PTPRN2: variants seen among roughly 807,000 people sequenced by gnomAD.
The protein encoded by PTPRN2 is receptor-type tyrosine-protein phosphatase N2.
In PTPRN2, 74 loss-of-function variants were observed where a neutral mutation model predicts 118.8. The observed-to-expected ratio is 0.62, with a 90% CI of 0.52 to 0.76. PTPRN2 has a LOEUF of 0.76. PTPRN2 is among the 30% of genes least tolerant of loss of function. The probability of loss-of-function intolerance (pLI) is 0.00; values close to 1 mark genes in which losing one functional copy is unlikely to be tolerated. For missense variants in PTPRN2, 1,481 were observed against 1,394.4 expected (o/e 1.06, Z -0.99); for synonymous variants, 641 against 608.0 (o/e 1.05, Z -0.80).
chr7:158,147,731 G>C (rs1385448520), intron 6 of PTPRN2, among the ~76,000 whole-genome samples: 6 of 133,444 alleles, frequency 4.5e-5, no homozygotes, highest in African/African-American at 1.8e-4. Context: ...CCCATCTCAC[G>C]CCACGTGTCT....
intron 3 of PTPRN2, among the ~76,000 whole-genome samples, chr7:158,209,415 A>G (rs955809176): frequency 6.6e-6 from 1 of 152,246 alleles, no homozygotes; most frequent in African/African-American, 2.4e-5. Flanking sequence ...CTTGTATCAG[A>G]CAAAATAGAT....
In PTPRN2 at chr7:157,883,415, G is replaced by A. The variant is rs572056548; in HGVS notation, c.1788+15258C>T. Among the ~76,000 whole-genome samples the A allele has an allele frequency of 2.6e-4, 38 of 144,574 alleles. No individual in the cohort carries two copies. In the South Asian group the frequency reaches 2.7e-3, roughly 10 times the overall value. 94.8% of individuals were successfully genotyped at this position (144,574 alleles called of 152,430 possible). On this transcript the variant is annotated intron_variant, in intron 12 of 22. Coordinates refer to ENST00000389418, the MANE Select transcript of PTPRN2 (RefSeq NM_002847.5). ...ACACACCACCCAAAAAATGATTGTC[G>A]GAGATCAGAACACACCACCCCAAAA... is the stretch of plus-strand genomic sequence containing the variant.
intron 11 of PTPRN2, among the ~76,000 whole-genome samples, chr7:158,070,722 T>TGTGGAGGTGGCCGTGGTG (rs1811258533): frequency 2.3e-5 from 1 of 44,266 alleles, no homozygotes; most frequent in Non-Finnish European, 4.1e-5. Context: ...GTGCCTGTGG[T>TGTGGAGGTGGCCGTGGTG]GTGGAGGTGC....
chr7:157,795,226 G>GA (rs1491018553), intron 12 of PTPRN2, among the ~76,000 whole-genome samples: 2 of 151,250 alleles, frequency 1.3e-5, no homozygotes, highest in African/African-American at 2.4e-5. Context: ...CTGGGAGGGG[G>GA]ACTCAAGCTC....
intron 2 of PTPRN2, among the ~76,000 whole-genome samples, chr7:158,407,133 CCTGCGTCCTGCGTCCTGGGTCCT>C (rs1813523630): frequency 6.9e-6 from 1 of 144,608 alleles, no homozygotes; most frequent in African/African-American, 2.5e-5. Context: ...GGTCCTGGGT[CCTGCGTCCTGCGTCCTGGGTCCT>C]GGGTCCTGGG....
At chr7:158,446,452 C>T (rs980626469) in intron 2 of PTPRN2, among the ~76,000 whole-genome samples, 6 of 152,116 alleles carry the variant, frequency 3.9e-5, no homozygotes, top group Admixed American at 2.6e-4. Context: ...ACAGCTGCCC[C>T]CGGCAGGCAG....
In PTPRN2 at chr7:158,457,518, C is replaced by T. The variant is rs149586194; in HGVS notation, c.163+32217G>A. Among the ~76,000 whole-genome samples, 1,380 of 148,198 alleles carry T rather than the reference C, an allele frequency of 9.3e-3. 15 individuals are homozygous for T. The highest frequency in any genetic ancestry group is 0.015 in the Non-Finnish European group (1,011 of 66,640). On this transcript the variant is annotated intron_variant, in intron 2 of 22. Transcript: ENST00000389418. The stretch of plus-strand genomic sequence containing the variant: ...TACCACCAAACCTCCCTCTCCAGGG[C>T]GAGCCTGGCCTGGGGGGAGTCACAG...
intron 10 of PTPRN2, among the ~76,000 whole-genome samples, chr7:158,108,731 C>A: frequency 6.6e-6 from 1 of 152,224 alleles, no homozygotes; most frequent in Non-Finnish European, 1.5e-5. Flanking sequence ...CATGCATGTC[C>A]CCTAGTGCCC....
chr7:158,573,904 G>A (rs1195084632), intron 1 of PTPRN2, among the ~76,000 whole-genome samples: 2 of 152,154 alleles, frequency 1.3e-5, no homozygotes, highest in Non-Finnish European at 2.9e-5. Flanking sequence ...ATGGGCCTGT[G>A]AAGAGATTTA....
chr7:158,526,905 G>T lies in PTPRN2; in HGVS notation c.113-37120C>A, dbSNP rs7808858. Among the ~76,000 whole-genome samples the T allele has an allele frequency of 0.47, 71,084 of 151,884 alleles. 16,932 individuals are homozygous for T. Among genetic ancestry groups the T allele is most frequent in the East Asian group, 0.68 (3,488 of 5,132 alleles). ...CCGCCTGGTTTGTGGGGGTTTGTTA[G>T]GGAGACTGAGCCAATTCATACAGTG... On this transcript the variant is annotated intron_variant, in intron 1 of 22. Transcript: ENST00000389418. This position sits in a 1 kb window ranked among gnomAD's most constrained non-coding sequence, Gnocchi z 5.2.
rs1007874702 is a variant in PTPRN2 at position 157,596,725 on chromosome 7, A to G, written c.2419-1410T>C. 6.6e-5 allele frequency among the ~76,000 whole-genome samples: 10 copies of G among 152,100 alleles called. No individual in the cohort carries two copies. Among genetic ancestry groups the G allele is most frequent in the African/African-American group, 9.7e-5 (4 of 41,424 alleles). On this transcript the variant is annotated intron_variant, in intron 16 of 22. Transcript: ENST00000389418. The surrounding 1 kb of genome is among the most constrained non-coding windows in gnomAD (Gnocchi z 4.2). ...GAGAGCCGGATGCTGCGCTGGGGGA[A>G]CCTCACCTTGGGGAGGCAGCCGCTT...
chr7:157,672,617 C>G (rs910112707), intron 13 of PTPRN2, among the ~76,000 whole-genome samples: 1 of 152,168 alleles, frequency 6.6e-6, no homozygotes, highest in African/African-American at 2.4e-5. Flanking sequence ...ACCAAAAAAG[C>G]TGAAAGCGAC....
chr7:157,730,197 C>CT (rs397753756), intron 12 of PTPRN2, among the ~76,000 whole-genome samples: 2 of 152,076 alleles, frequency 1.3e-5, no homozygotes, highest in African/African-American at 2.4e-5. Flanking sequence ...TGCCCCCCCC[C>CT]GGGCACTCGG....
In PTPRN2 at chr7:157,974,508, C is replaced by T. The variant is rs909199559; in HGVS notation, c.1724-75771G>A. Among the ~76,000 whole-genome samples the T allele has an allele frequency of 6.6e-6, 1 of 152,190 alleles. No homozygotes were observed. ...AACAGTGTTCACTGGCAGTGGGAAC[C>T]GTCGGTCCTGCCATGGGACGATGTG... On this transcript the variant is annotated intron_variant, in intron 11 of 22. Coordinates refer to ENST00000389418, the MANE Select transcript of PTPRN2 (RefSeq NM_002847.5). This position sits in a 1 kb window ranked among gnomAD's most constrained non-coding sequence, Gnocchi z 4.0.
chr7:157,902,717 C>A (rs560003233), intron 11 of PTPRN2, among the ~76,000 whole-genome samples: 6 of 152,170 alleles, frequency 3.9e-5, no homozygotes, highest in Non-Finnish European at 8.8e-5. Flanking sequence ...GATGCCGATG[C>A]GAGAGTGAGG....
At chr7:157,878,627 T>C (rs1202017698) in intron 12 of PTPRN2, among the ~76,000 whole-genome samples, 1 of 132,806 alleles carries the variant, frequency 7.5e-6, no homozygotes, top group Non-Finnish European at 1.6e-5. Context: ...TGTGATACCA[T>C]GCACCCACGC....
intron 12 of PTPRN2, among the ~76,000 whole-genome samples, chr7:157,797,276 A>G (rs1804933494): frequency 6.6e-6 from 1 of 152,262 alleles, no homozygotes; most frequent in Non-Finnish European, 1.5e-5. Context: ...CTATCTGATG[A>G]CAACACACAT....
intron 1 of PTPRN2, among the ~76,000 whole-genome samples, chr7:158,524,629 G>A (rs1824632593): frequency 1.3e-5 from 2 of 152,114 alleles, no homozygotes; most frequent in Admixed American, 6.5e-5. Context: ...CCCAGAACTC[G>A]TAGATGGATG....
chr7:158,179,385 T>C (rs1824500934), intron 5 of PTPRN2, among the ~76,000 whole-genome samples: 1 of 152,222 alleles, frequency 6.6e-6, no homozygotes, highest in African/African-American at 2.4e-5. Flanking sequence ...GAGTTCCTTG[T>C]AGATTCTGGA....
Sources: gnomAD v4.1 joint callset for allele counts (sites outside exome capture counted in the v4.1 genomes callset) on GRCh38, gnomAD v4.1.1 for gene constraint, Gnocchi (gnomAD v3.1) non-coding constraint, MANE v1.5 for transcripts, NCBI Gene and HGNC (gene_info 2026-07-23, HGNC 2026-07-21) for gene names.